MYO1E: variants seen among roughly 807,000 people sequenced by gnomAD.
MYO1E encodes unconventional myosin-Ie.
In MYO1E, 68 loss-of-function variants were observed where a neutral mutation model predicts 151.1. The observed-to-expected ratio is 0.45, with a 90% CI of 0.37 to 0.55. The LOEUF (loss-of-function observed/expected upper bound fraction) is 0.55, where lower values mean the gene tolerates loss of function less well. Ranked by LOEUF, MYO1E falls within the 20% of genes least tolerant of loss-of-function variation. The probability of loss-of-function intolerance (pLI) is 0.00; values close to 1 mark genes in which losing one functional copy is unlikely to be tolerated. For missense variants in MYO1E, 1,363 were observed against 1,389.3 expected (o/e 0.98, Z 0.30); for synonymous variants, 601 against 501.7 (o/e 1.20, Z -2.64).
At chr15:59,200,693 T>C (rs2079795804) in intron 16 of MYO1E, among the ~76,000 whole-genome samples, 1 of 152,204 alleles carries the variant, frequency 6.6e-6, no homozygotes, top group Non-Finnish European at 1.5e-5. Flanking sequence ...TGGGAAAGAA[T>C]GTAGTCAGAG....
In MYO1E at chr15:59,161,184, C is replaced by G. The variant is rs1379308183; in HGVS notation, c.2674G>C (p.Gly892Arg). Residue 892 changes from glycine (G) to arginine (R), a missense_variant, in exon 24 of 28, where the codon GGG (glycine) becomes CGG (arginine). By Grantham distance (125) the Gly-to-Arg change is moderately radical (BLOSUM62 -2). Coordinates refer to ENST00000288235, the MANE Select transcript of MYO1E (RefSeq NM_004998.4). ...KKENWGPWSA[G>R]GSRQVQFHQG... ...TGGAACTGCACTTGCCGGGAGCCCC[C>G]TGCACTCCAGGGGCCCCAGTTTTCC... The G allele has an allele frequency of 1.2e-6, 2 of 1,614,036 alleles. No individual in the cohort carries two copies. The highest frequency in any genetic ancestry group is 1.7e-6 in the Non-Finnish European group (2 of 1,179,964).
chr15:59,341,026 A>G (rs1224364581), intron 1 of MYO1E, among the ~76,000 whole-genome samples: 4 of 149,076 alleles, frequency 2.7e-5, no homozygotes, highest in East Asian at 3.9e-4. Flanking sequence ...CAAAAAAAAA[A>G]AAAAAAAAGA....
At chr15:59,330,872 G>C (rs62002740) in intron 1 of MYO1E, among the ~76,000 whole-genome samples, 3 of 151,956 alleles carry the variant, frequency 2.0e-5, no homozygotes, top group Non-Finnish European at 4.4e-5. Context: ...AACCTCAGAC[G>C]ATCCTCCTGC....
intron 1 of MYO1E, among the ~76,000 whole-genome samples, chr15:59,286,434 G>A (rs2080388170): frequency 6.6e-6 from 1 of 152,152 alleles, no homozygotes; most frequent in South Asian, 2.1e-4. Context: ...TCTCATCTCT[G>A]TCTTTTAAAA....
rs2079900956 is a variant in MYO1E at position 59,214,431 on chromosome 15, A to C, written c.1189-117T>G. On this transcript the variant is annotated intron_variant, in intron 11 of 27. Coordinates refer to ENST00000288235, the MANE Select transcript of MYO1E (RefSeq NM_004998.4). ...AAGCTTTAATAGAAATGTTGGATGC[A>C]TCAAAAGAAATAAGTTTATATTTAG... 3.3e-6 allele frequency: 3 copies of C among 896,884 alleles called. No homozygotes were observed. The African/African-American group carries it at 5.0e-5, about 15-fold the overall frequency. The allele number at this position is 896,884 out of a possible 1,614,324, so 55.6% of individuals were successfully genotyped here.
At position 59,175,660 on chromosome 15, in the gene MYO1E, T is replaced by C. The variant is rs79662312; in HGVS notation, c.2050-1420A>G. ...AAAATCTGAGCCCTGCAGTTGCCTG[T>C]TGTAAGAATATCCATTGATATTTCT... is the stretch of plus-strand genomic sequence containing the variant. On this transcript the variant is annotated intron_variant, in intron 19 of 27. Coordinates refer to ENST00000288235, the MANE Select transcript of MYO1E (RefSeq NM_004998.4). Among the ~76,000 whole-genome samples the C allele has an allele frequency of 6.2e-4, 95 of 152,354 alleles. 1 individual carries two copies. The East Asian group carries it at 0.015, about 24-fold the overall frequency.
chr15:59,180,981 T>G (rs901481), intron 18 of MYO1E, among the ~76,000 whole-genome samples: 78,419 of 151,998 alleles, frequency 0.52, 22,039 homozygotes, highest in Non-Finnish European at 0.66. Context: ...CTGCTCTTGT[T>G]ATCTCTTGGA....
At chr15:59,222,055 AT>A (rs530859203) in intron 9 of MYO1E, among the ~76,000 whole-genome samples, 151 of 152,300 alleles carry the variant, frequency 9.9e-4, no homozygotes, top group Non-Finnish European at 3.4e-4. Flanking sequence ...CACCCTGTAT[AT>A]TTATTGTTTT....
intron 4 of MYO1E, among the ~76,000 whole-genome samples, chr15:59,255,225 C>T (rs2080187216): frequency 6.6e-6 from 1 of 152,084 alleles, no homozygotes; most frequent in Non-Finnish European, 1.5e-5. Context: ...AGTGATCCTC[C>T]CCACTCAGCC....
chr15:59,273,455 T>G (rs527398903), intron 1 of MYO1E, among the ~76,000 whole-genome samples: 471 of 152,160 alleles, frequency 3.1e-3, no homozygotes, highest in African/African-American at 0.011. Flanking sequence ...ACCTAGATAA[T>G]GATGGAATAA....
At chr15:59,357,872 G>A (rs1175227611) in intron 1 of MYO1E, among the ~76,000 whole-genome samples, 1 of 152,088 alleles carries the variant, frequency 6.6e-6, no homozygotes. Context: ...AGCTGAAGAT[G>A]GAGAACATCT....
intron 7 of MYO1E, among the ~76,000 whole-genome samples, chr15:59,226,612 A>G (rs1298864422): frequency 6.6e-6 from 1 of 152,072 alleles, no homozygotes; most frequent in African/African-American, 2.4e-5. Flanking sequence ...TTAGAGACCA[A>G]CCTGGGTAAC....
At chr15:59,354,251 G>C (rs2080841304) in intron 1 of MYO1E, among the ~76,000 whole-genome samples, 1 of 152,212 alleles carries the variant, frequency 6.6e-6, no homozygotes, top group Admixed American at 6.5e-5. Flanking sequence ...CCTGGCCTTT[G>C]GAGGAGAGCA....
chr15:59,336,236 T>C lies in MYO1E; in HGVS notation c.3+36262A>G, dbSNP rs147249146. On this transcript the variant is annotated intron_variant, in intron 1 of 27. Transcript: ENST00000288235. Reference sequence around the variant, plus strand: ...AAATACAAAAATTAGCTGGGTGCGATGGCGTGGCCCTGTAGTCCCAGCTAC... The same window carrying C: ...AAATACAAAAATTAGCTGGGTGCGACGGCGTGGCCCTGTAGTCCCAGCTAC... Among the ~76,000 whole-genome samples, 165 of 151,958 alleles carry C rather than the reference T, an allele frequency of 1.1e-3. 1 individual carries two copies. Among genetic ancestry groups the C allele is most frequent in the African/African-American group, 3.6e-3 (151 of 41,446 alleles).
At chr15:59,364,546 T>C (rs1293923028) in intron 1 of MYO1E, among the ~76,000 whole-genome samples, 1 of 152,210 alleles carries the variant, frequency 6.6e-6, no homozygotes, top group Non-Finnish European at 1.5e-5. Flanking sequence ...AAAAAGGATT[T>C]GTAAAACAAG....
intron 22 of MYO1E, among the ~76,000 whole-genome samples, chr15:59,166,637 G>A (rs532682880): frequency 8.6e-5 from 13 of 151,778 alleles, no homozygotes; most frequent in Non-Finnish European, 1.8e-4. Context: ...TCCTGATTAT[G>A]AAATATATGC....
At chr15:59,140,801 G>A (rs754643436) in intron 26 of MYO1E, among the ~76,000 whole-genome samples, 9 of 152,128 alleles carry the variant, frequency 5.9e-5, no homozygotes, top group Non-Finnish European at 7.4e-5. Flanking sequence ...GGGGCTGGGC[G>A]CCCCTGAGAC....
chr15:59,214,678 T>C lies in MYO1E; in HGVS notation c.1150A>G (p.Ile384Val), dbSNP rs532260829. The C allele has an allele frequency of 3.1e-6, 5 of 1,613,936 alleles. No homozygotes were observed. Among genetic ancestry groups the C allele is most frequent in the Non-Finnish European group, 3.4e-6 (4 of 1,179,788 alleles). ...AAGCCATAGATGTCTAGGACGCCAA[T>C]GTTGTATTCTTCATGGTCTTTCTCC... ...AMEKDHEEYN[I>V]GVLDIYGFEI... Residue 384 changes from isoleucine (I) to valine (V), a missense_variant, in exon 11 of 28, where the codon ATT (isoleucine) becomes GTT (valine). Physicochemically the swap from Ile to Val is conservative, Grantham distance 29. Coordinates refer to ENST00000288235, the MANE Select transcript of MYO1E (RefSeq NM_004998.4).
In MYO1E at chr15:59,247,183, G is replaced by A. The variant is rs117877776; in HGVS notation, c.332+9101C>T. Among the ~76,000 whole-genome samples, 492 of 152,268 alleles carry A rather than the reference G, an allele frequency of 3.2e-3. 16 individuals are homozygous for A. In the East Asian group the frequency reaches 0.065, roughly 20 times the overall value. On this transcript the variant is annotated intron_variant, in intron 4 of 27. Transcript: ENST00000288235. ...TGCACTCCAGCCTAGGTGACAGAGC[G>A]AGACTCTTTTTCAAAAACTAAAATA... is the stretch of plus-strand genomic sequence containing the variant.
Sources: gnomAD v4.1 joint callset for allele counts (sites outside exome capture counted in the v4.1 genomes callset) on GRCh38, gnomAD v4.1.1 for gene constraint, MANE v1.5 for transcripts, NCBI Gene and HGNC (gene_info 2026-07-23, HGNC 2026-07-21) for gene names.